Variants in PITPNM2 observed in about 807,000 individuals in gnomAD.
PITPNM2 encodes the protein membrane-associated phosphatidylinositol transfer protein 2.
In PITPNM2, 35 loss-of-function variants were observed where a neutral mutation model predicts 132.2. The ratio of observed to expected loss-of-function variants is 0.26; its 90% CI spans 0.20 to 0.35. The LOEUF (loss-of-function observed/expected upper bound fraction) is 0.35, where lower values mean the gene tolerates loss of function less well. Among genes scored for constraint, PITPNM2 ranks in the 10% least tolerant of loss-of-function variants. The pLI is 1.00. For synonymous variants in PITPNM2, 738 were observed against 799.2 expected (o/e 0.92, Z 1.29); for missense variants, 1,332 against 1,912.0 (o/e 0.70, Z 5.66).
intron 14 of PITPNM2, 101 bp from the exon 15 acceptor site, chr12:122,995,080 A>AAAGCTGCCATCAT: frequency 7.6e-7 from 1 of 1,322,510 alleles, no homozygotes; most frequent in Non-Finnish European, 1.0e-6. Flanking sequence ...TCGGGGGCCC[A>AAAGCTGCCATCAT]CTGGCTTCAG....
chr12:123,140,542 G>A (rs762580906), intron 1 of PITPNM2, among the ~76,000 whole-genome samples: 1 of 152,096 alleles, frequency 6.6e-6, no homozygotes, highest in Non-Finnish European at 1.5e-5. Context: ...CAAGCCGCTA[G>A]GAACTGTGCT....
rs769659377 is a variant in PITPNM2 at position 122,997,389 on chromosome 12, G to A, written c.1408C>T (p.Arg470Cys). Residue 470 changes from arginine to cysteine, a missense_variant, in exon 11 of 26, where the codon CGC becomes TGC. By Grantham distance (180) the Arg-to-Cys change is radical. Around this residue, in one of 6 missense-constraint regions of PITPNM2, gnomAD observed 710 missense variants for 911.5 expected, o/e 0.78. Transcript: ENST00000320201. ...CAGGGCACCAGGCGGATGGCAAGGCGGCCCAGGGCGCTGGGGTAGTGCACG... is the reference window on the plus strand; with the variant it reads ...CAGGGCACCAGGCGGATGGCAAGGCAGCCCAGGGCGCTGGGGTAGTGCACG... ...MRVHYPSALG[R>C]LAIRLVPCPP... 8.1e-6 allele frequency: 13 copies of A among 1,613,366 alleles called. No individual in the cohort carries two copies. Among genetic ancestry groups the A allele is most frequent in the African/African-American group, 8.0e-5 (6 of 74,944 alleles).
chr12:123,138,127 C>A (rs1013612272), intron 1 of PITPNM2, among the ~76,000 whole-genome samples: 3 of 152,020 alleles, frequency 2.0e-5, no homozygotes, highest in African/African-American at 7.2e-5. Context: ...GTGGTGTATG[C>A]CTACAATGAA....
chr12:123,054,082 T>C (rs994713326), intron 2 of PITPNM2, among the ~76,000 whole-genome samples: 6 of 152,304 alleles, frequency 3.9e-5, no homozygotes, highest in Admixed American at 6.5e-5. Flanking sequence ...TTTCACTTGC[T>C]ATATCATCAA....
At chr12:123,045,747 G>C (rs1285409474) in intron 2 of PITPNM2, among the ~76,000 whole-genome samples, 1 of 152,210 alleles carries the variant, frequency 6.6e-6, no homozygotes, top group Non-Finnish European at 1.5e-5. Context: ...AAGGAGCGCT[G>C]TGGGGCTAAC....
At chr12:122,990,829 T>C in intron 16 of PITPNM2, 120 bp from the exon 17 acceptor site, 1 of 1,119,408 alleles carries the variant, frequency 8.9e-7, no homozygotes, top group South Asian at 1.6e-5. Context: ...GCAGCAGCTG[T>C]GCCAGAGCCA....
In PITPNM2 at chr12:123,099,350, G is replaced by A. The variant is rs374846668; in HGVS notation, c.-96+11035C>T. 4.6e-5 allele frequency among the ~76,000 whole-genome samples: 7 copies of A among 152,208 alleles called. No homozygotes were observed. The highest frequency in any genetic ancestry group is 4.2e-4 in the South Asian group (2 of 4,810). ...CTGAATCTGCCTCCCTATGTTCCTC[G>A]GAGAACACCCAGCACAGCAAGATTG... is the stretch of plus-strand genomic sequence containing the variant. On this transcript the variant is annotated intron_variant, in intron 2 of 25. Transcript: ENST00000320201. This position sits in a 1 kb window ranked among gnomAD's most constrained non-coding sequence, Gnocchi z 4.2.
intron 2 of PITPNM2, among the ~76,000 whole-genome samples, chr12:123,055,567 G>A (rs1212758466): frequency 6.6e-6 from 1 of 152,216 alleles, no homozygotes; most frequent in Non-Finnish European, 1.5e-5. Flanking sequence ...ATGCAGCTTT[G>A]TAGGAACAGC....
At chr12:123,123,647 T>A (rs186730242) in intron 1 of PITPNM2, among the ~76,000 whole-genome samples, 2 of 151,986 alleles carry the variant, frequency 1.3e-5, no homozygotes, top group East Asian at 1.9e-4. Context: ...TTAAATTAAA[T>A]TTTTAGGCCG....
rs562200557 is a variant in PITPNM2, at chr12:123,106,465, A to G, written c.-96+3920T>C. Among the ~76,000 whole-genome samples, 81 of 152,332 alleles carry G rather than the reference A, an allele frequency of 5.3e-4. No individual in the cohort carries two copies. The highest frequency in any genetic ancestry group is 8.5e-4 in the Non-Finnish European group (58 of 68,028). On this transcript the variant is annotated intron_variant, in intron 2 of 25. Coordinates refer to ENST00000320201, the MANE Select transcript of PITPNM2 (RefSeq NM_020845.3). This position sits in a 1 kb window ranked among gnomAD's most constrained non-coding sequence, Gnocchi z 4.4. ...CATTCTCAGGAAGACATGCTGCATC[A>G]GAGCAAACAAGGCAAATGCAGGGGT...
intron 16 of PITPNM2, chr12:122,991,795 C>A: frequency 2.3e-6 from 3 of 1,299,094 alleles, no homozygotes; most frequent in African/African-American, 1.5e-5. Flanking sequence ...GCCAGGTGGG[C>A]GCGGGAACAG....
chr12:123,138,325 G>A (rs894845067), intron 1 of PITPNM2, among the ~76,000 whole-genome samples: 1 of 152,120 alleles, frequency 6.6e-6, no homozygotes, highest in Non-Finnish European at 1.5e-5. Flanking sequence ...GTGCGTGCCT[G>A]TAGTCCCAGC....
At chr12:123,024,068 A>G (rs1247835115) in intron 3 of PITPNM2, among the ~76,000 whole-genome samples, 1 of 152,206 alleles carries the variant, frequency 6.6e-6, no homozygotes, top group Non-Finnish European at 1.5e-5. Context: ...AGCCTGAGCG[A>G]CATAGCAAGA....
At chr12:123,017,938 C>T (rs1446781099) in intron 3 of PITPNM2, among the ~76,000 whole-genome samples, 1 of 151,580 alleles carries the variant, frequency 6.6e-6, no homozygotes, top group African/African-American at 2.4e-5. Flanking sequence ...CTCCCTCCCT[C>T]CTTTCCTTTC....
At chr12:123,057,542 G>A (rs887406653) in intron 2 of PITPNM2, among the ~76,000 whole-genome samples, 12 of 152,186 alleles carry the variant, frequency 7.9e-5, no homozygotes, top group African/African-American at 2.7e-4. Context: ...AGACAAGACC[G>A]CATCTGAAAT....
chr12:122,990,519 G>T, intron 17 of PITPNM2, 26 bp downstream of exon 17: 2 of 1,611,024 alleles, frequency 1.2e-6, no homozygotes, highest in Non-Finnish European at 1.7e-6. Context: ...GCTGAGTGAG[G>T]AGGGTGAGGG....
rs1393288848 is a variant in PITPNM2, at chr12:123,004,522, T to C, written c.953-33A>G. On this transcript the variant is annotated intron_variant, in intron 7 of 25. Transcript: ENST00000320201. The surrounding 1 kb of genome is among the most constrained non-coding windows in gnomAD (Gnocchi z 4.9). ...GCAAAACCCCAGATTGACCGCCAAC[T>C]GGAGAGGAAGGGCCCAGAGGCTGCC... 1.9e-6 allele frequency: 3 copies of C among 1,608,232 alleles called. No homozygotes were observed. Among genetic ancestry groups the C allele is most frequent in the African/African-American group, 1.3e-5 (1 of 74,766 alleles).
intron 1 of PITPNM2, among the ~76,000 whole-genome samples, chr12:123,137,719 C>G (rs1593034815): frequency 6.6e-6 from 1 of 151,880 alleles, no homozygotes; most frequent in Admixed American, 6.6e-5. Context: ...AAAGTGAAAC[C>G]CCATCTCTAC....
Position 123,117,581 on chromosome 12 carries a change from C to T in PITPNM2, c.-199-7093G>A, listed in dbSNP as rs1002027049. On this transcript the variant is annotated intron_variant, in intron 1 of 25. Coordinates refer to ENST00000320201, the MANE Select transcript of PITPNM2 (RefSeq NM_020845.3). This position sits in a 1 kb window ranked among gnomAD's most constrained non-coding sequence, Gnocchi z 4.7. Reference sequence around the variant, plus strand: ...AGTTCAGCTCCAACATTCTACAATCCTATGATTTGGACAGAAGGGAATACT... The same window carrying T: ...AGTTCAGCTCCAACATTCTACAATCTTATGATTTGGACAGAAGGGAATACT... Among the ~76,000 whole-genome samples, 1 of 152,136 alleles carries T rather than the reference C, an allele frequency of 6.6e-6. No individual in the cohort carries two copies. The highest frequency in any genetic ancestry group is 2.1e-4 in the South Asian group (1 of 4,832).
Sources: allele counts gnomAD v4.1 joint callset (sites outside exome capture counted in the v4.1 genomes callset), GRCh38; gene constraint gnomAD v4.1.1; regional missense constraint gnomAD v4.1.1; non-coding constraint Gnocchi (gnomAD v3.1); transcripts MANE v1.5; gene names NCBI Gene and HGNC (gene_info 2026-07-23, HGNC 2026-07-21).